CADPS2: variants seen among roughly 807,000 people sequenced by gnomAD.
CADPS2 encodes the protein calcium-dependent secretion activator 2.
CADPS2 carries 93 observed loss-of-function variants against 172.5 expected under a neutral mutation model. The ratio of observed to expected loss-of-function variants is 0.54; its 90% CI spans 0.46 to 0.64. The LOEUF (loss-of-function observed/expected upper bound fraction) is 0.64. Among genes scored for constraint, CADPS2 ranks in the 30% least tolerant of loss-of-function variants. The pLI, the probability that CADPS2 is intolerant of heterozygous loss-of-function variation, is 0.00. For missense variants in CADPS2, 1,420 were observed against 1,565.9 expected (o/e 0.91, Z 1.57); for synonymous variants, 546 against 555.2 (o/e 0.98, Z 0.23).
chr7:122,860,922 A>G (rs1816793770), intron 1 of CADPS2, among the ~76,000 whole-genome samples: 1 of 152,180 alleles, frequency 6.6e-6, no homozygotes, highest in Non-Finnish European at 1.5e-5. Flanking sequence ...CATTCTTTTT[A>G]ATAGTAAAAT....
At chr7:122,709,407 AC>A (rs1256713306) in intron 2 of CADPS2, among the ~76,000 whole-genome samples, 1 of 152,050 alleles carries the variant, frequency 6.6e-6, no homozygotes, top group Non-Finnish European at 1.5e-5. Flanking sequence ...TCAGGAAACA[AC>A]AGGTGCTGGA....
In CADPS2 at chr7:122,387,133, T is replaced by G. The variant is rs1392406020; in HGVS notation, c.3205A>C (p.Lys1069Gln). ...AFELKLQKAS[K>Q]TTDLRIPASV... ...GCTGGAATGCGCAAGTCAGTTGTTT[T>G]GCTTGCCTTTTGTAGCTTGAGTTCA... The change falls in exon 24 of 30, where the codon AAA (lysine) becomes CAA (glutamine). Residue 1069 changes from lysine to glutamine, a missense_variant. Lys to Gln is a moderately conservative substitution (Grantham distance 53). Coordinates refer to ENST00000449022, the MANE Select transcript of CADPS2 (RefSeq NM_017954.11). The G allele has an allele frequency of 2.5e-6, 4 of 1,579,706 alleles. No homozygotes were observed. The highest frequency in any genetic ancestry group is 3.4e-6 in the Non-Finnish European group (4 of 1,160,490).
In CADPS2 at chr7:122,645,414, C is replaced by CACAT. The variant is rs1554687871; in HGVS notation, c.787-16087_787-16086insATGT. On this transcript the variant is annotated intron_variant, in intron 3 of 29. Transcript: ENST00000449022. ...GTGTGTATATATGTACATATACACA[C>CACAT]ATGTATATGTGTGTATATATGTATA... Among the ~76,000 whole-genome samples the CACAT allele has an allele frequency of 1.8e-4, 16 of 87,592 alleles. 1 individual carries two copies. Among genetic ancestry groups the CACAT allele is most frequent in the African/African-American group, 3.5e-4 (8 of 22,932 alleles). 57.5% of individuals were successfully genotyped at this position (87,592 alleles called of 152,430 possible).
chr7:122,468,819 A>G (rs1161113641), intron 14 of CADPS2, among the ~76,000 whole-genome samples: 1 of 152,196 alleles, frequency 6.6e-6, no homozygotes, highest in Non-Finnish European at 1.5e-5. Flanking sequence ...AGGAAACGTC[A>G]TAACTTTCAG....
At chr7:122,439,240 T>C (rs1310418135) in intron 16 of CADPS2, 1 of 152,160 alleles carries the variant, frequency 6.6e-6, no homozygotes. Flanking sequence ...CACTGTTACA[T>C]TGACTCATAA....
At chr7:122,845,610 G>A (rs957433256) in intron 1 of CADPS2, among the ~76,000 whole-genome samples, 1 of 152,142 alleles carries the variant, frequency 6.6e-6, no homozygotes, top group Admixed American at 6.5e-5. Context: ...TCACACACCA[G>A]GCCAGCAAGC....
chr7:122,734,375 A>AAAG (rs2091963520), intron 2 of CADPS2, among the ~76,000 whole-genome samples: 2 of 95,512 alleles, frequency 2.1e-5, no homozygotes, highest in Admixed American at 2.3e-4. Context: ...AAAAAAAAAA[A>AAAG]AAAAAAAAAA....
At chr7:122,551,359 A>G (rs979831469) in intron 8 of CADPS2, among the ~76,000 whole-genome samples, 4 of 152,056 alleles carry the variant, frequency 2.6e-5, no homozygotes, top group Non-Finnish European at 4.4e-5. Flanking sequence ...ATTAATATCT[A>G]TCTCTGATTA....
chr7:122,483,597 T>A (rs1436368067), intron 11 of CADPS2, among the ~76,000 whole-genome samples: 1 of 152,100 alleles, frequency 6.6e-6, no homozygotes, highest in Admixed American at 6.5e-5. Flanking sequence ...AACATTTTTC[T>A]TTCACTTTTA....
At chr7:122,644,756 A>G (rs910485282) in intron 3 of CADPS2, among the ~76,000 whole-genome samples, 1 of 152,162 alleles carries the variant, frequency 6.6e-6, no homozygotes, top group Admixed American at 6.5e-5. Flanking sequence ...TACAACAAAA[A>G]GAACATAAGG....
intron 17 of CADPS2, chr7:122,424,303 T>C (rs2048880797): frequency 1.0e-6 from 1 of 979,472 alleles, no homozygotes; most frequent in Admixed American, 6.1e-5. Context: ...TGTTCTGTCA[T>C]CACAGTCACA....
intron 7 of CADPS2, among the ~76,000 whole-genome samples, chr7:122,575,188 A>T (rs79028065): frequency 1.3e-5 from 2 of 151,544 alleles, no homozygotes; most frequent in Non-Finnish European, 2.9e-5. Context: ...TAAAAAAAAA[A>T]GGTGGTGGGA....
At position 122,636,275 on chromosome 7, in the gene CADPS2, T is replaced by C. The variant is rs192398180; in HGVS notation, c.787-6947A>G. Reference sequence around the variant, plus strand: ...TGTTTAGCACTCTTTTAAGGACCTCTTGTAAGGGTAGTCTAGTGTTAATGA... The same window carrying C: ...TGTTTAGCACTCTTTTAAGGACCTCCTGTAAGGGTAGTCTAGTGTTAATGA... On this transcript the variant is annotated intron_variant, in intron 3 of 29. Transcript: ENST00000449022. Among the ~76,000 whole-genome samples the C allele has an allele frequency of 1.7e-3, 265 of 152,264 alleles. 1 individual carries two copies. Among genetic ancestry groups the C allele is most frequent in the Non-Finnish European group, 2.9e-3 (196 of 68,026 alleles).
At chr7:122,522,886 G>T (rs767011021) in intron 8 of CADPS2, among the ~76,000 whole-genome samples, 1 of 152,066 alleles carries the variant, frequency 6.6e-6, no homozygotes, top group Non-Finnish European at 1.5e-5. Context: ...CACCCATGTG[G>T]CTGCAAACGA....
intron 28 of CADPS2, among the ~76,000 whole-genome samples, chr7:122,336,272 C>T (rs988988489): frequency 6.6e-6 from 1 of 152,086 alleles, no homozygotes; most frequent in Admixed American, 6.6e-5. Context: ...TTGCAGAAGG[C>T]GTGATTCACA....
chr7:122,735,532 G>A (rs1000242551), intron 2 of CADPS2, among the ~76,000 whole-genome samples: 2 of 151,960 alleles, frequency 1.3e-5, no homozygotes, highest in Non-Finnish European at 2.9e-5. Context: ...TGAAATGTGT[G>A]CCTTTTTCTA....
chr7:122,420,024 C>T (rs2048360472), intron 17 of CADPS2, among the ~76,000 whole-genome samples: 2 of 152,082 alleles, frequency 1.3e-5, no homozygotes, highest in Admixed American at 6.5e-5. Context: ...CATGATCCTC[C>T]ATTTCCAGAG....
At chr7:122,549,912 T>C (rs1446840626) in intron 8 of CADPS2, among the ~76,000 whole-genome samples, 2 of 152,150 alleles carry the variant, frequency 1.3e-5, no homozygotes, top group Non-Finnish European at 2.9e-5. Context: ...CCTGGACTCT[T>C]TGAGCAAATA....
chr7:122,320,600 T>C (rs967769125), intron 29 of CADPS2, among the ~76,000 whole-genome samples: 1 of 152,202 alleles, frequency 6.6e-6, no homozygotes, highest in Non-Finnish European at 1.5e-5. Context: ...CCTCAGAACA[T>C]TACTAATTGC....
Sources: allele counts gnomAD v4.1 joint callset (sites outside exome capture counted in the v4.1 genomes callset), GRCh38; gene constraint gnomAD v4.1.1; transcripts MANE v1.5; gene names NCBI Gene and HGNC (gene_info 2026-07-23, HGNC 2026-07-21).